The following FBXW7 variants were observed in gnomAD, a reference collection of about 807,000 sequenced individuals.
FBXW7 encodes the protein F-box and WD repeat domain containing 7.
In FBXW7, 11 loss-of-function variants were observed where a neutral mutation model predicts 86.3. That is an observed-to-expected ratio of 0.13 (90% CI 0.08 to 0.21). FBXW7 has a LOEUF of 0.21. Ranked by LOEUF, FBXW7 falls within the 10% of genes least tolerant of loss-of-function variation. The probability of loss-of-function intolerance (pLI) is 1.00; values close to 1 mark genes in which losing one functional copy is unlikely to be tolerated. For missense variants in FBXW7, 488 were observed against 847.4 expected, an observed-to-expected ratio of 0.58 and a Z score of 5.27; for synonymous variants, 313 against 297.9, an observed-to-expected ratio of 1.05 and a Z score of -0.52.
chr4:152,358,625 C>T (rs1732626498), intron 4 of FBXW7, among the ~76,000 whole-genome samples: 1 of 151,994 alleles, frequency 6.6e-6, no homozygotes, highest in South Asian at 2.1e-4. Flanking sequence ...TGAACACAAG[C>T]AATGGAACCA....
Position 152,321,005 on chromosome 4 carries a change from T to C in FBXW7, c.*1876A>G, listed in dbSNP as rs1184860601. On this transcript the variant is annotated 3_prime_UTR_variant, in exon 14 of 14. Transcript: ENST00000281708. ...TTCTTTGAGGGAACCAGATTTCATA[T>C]TTATACACCCCAATGCAATCTACAG... 2 of 165,516 alleles carry C rather than the reference T, an allele frequency of 1.2e-5. No individual in the cohort carries two copies. Among genetic ancestry groups the C allele is most frequent in the Non-Finnish European group, 2.6e-5 (2 of 75,808 alleles). 10.3% of individuals were successfully genotyped at this position (165,516 alleles called of 1,614,324 possible). A position where few individuals can be genotyped will look rare whatever the true frequency, so the allele number is the denominator to read the frequency against.
At chr4:152,352,452 A>G (rs781322057) in intron 4 of FBXW7, 2 of 1,613,734 alleles carry the variant, frequency 1.2e-6, no homozygotes, top group Non-Finnish European at 1.7e-6. Flanking sequence ...TAGCATAGGA[A>G]GAAAACAGCT....
chr4:152,442,837 G>A (rs1440935080), intron 2 of FBXW7, among the ~76,000 whole-genome samples: 1 of 152,118 alleles, frequency 6.6e-6, no homozygotes, highest in African/African-American at 2.4e-5. Flanking sequence ...ACATTACTGA[G>A]GTAAAAACCT....
chr4:152,413,703 C>T (rs1240694810), intron 2 of FBXW7, among the ~76,000 whole-genome samples: 4 of 152,100 alleles, frequency 2.6e-5, no homozygotes, highest in Admixed American at 1.3e-4. Flanking sequence ...ATTTGCTGAG[C>T]ATTCAATATG....
In FBXW7 at chr4:152,347,076, A is replaced by C; in HGVS notation, c.585-5T>G. ...CATGGTACAAGCCCAGTGGTACTAC[A>C]AAAAAAAAAAAAAGAGAGAGAGAAA... On this transcript the variant is annotated splice_polypyrimidine_tract_variant and splice_region_variant and intron_variant, in intron 5 of 13. Transcript: ENST00000281708. The C allele has an allele frequency of 4.0e-6, 1 of 248,248 alleles. No homozygotes were observed. The highest frequency in any genetic ancestry group is 7.2e-6 in the Non-Finnish European group (1 of 138,422). 15.4% of individuals were successfully genotyped at this position (248,248 alleles called of 1,614,324 possible).
intron 2 of FBXW7, among the ~76,000 whole-genome samples, chr4:152,467,342 C>T (rs1743547866): frequency 1.3e-5 from 2 of 152,134 alleles, no homozygotes; most frequent in South Asian, 4.1e-4. Flanking sequence ...TCCTCTTCTG[C>T]CACAACTGTA....
intron 2 of FBXW7, among the ~76,000 whole-genome samples, chr4:152,418,162 C>CACACACACACACAA (rs1185715774): frequency 1.3e-5 from 2 of 150,784 alleles, no homozygotes; most frequent in African/African-American, 4.9e-5. Context: ...CACACACACA[C>CACACACACACACAA]AAAATCCACT....
chr4:152,415,668 A>AT (rs1379641632), intron 2 of FBXW7, among the ~76,000 whole-genome samples: 1 of 152,084 alleles, frequency 6.6e-6, no homozygotes, highest in Non-Finnish European at 1.5e-5. Context: ...GTAAAAGCCA[A>AT]TGTCTTTTAT....
At chr4:152,411,216 T>A in intron 4 of FBXW7, 87 bp downstream of exon 4, 1 of 1,410,202 alleles carries the variant, frequency 7.1e-7, no homozygotes, top group Non-Finnish European at 9.4e-7. Flanking sequence ...TAATTTTTAG[T>A]AATACAAAGA....
At chr4:152,426,539 A>C (rs1010357135) in intron 2 of FBXW7, among the ~76,000 whole-genome samples, 1 of 152,032 alleles carries the variant, frequency 6.6e-6, no homozygotes, top group South Asian at 2.1e-4. Flanking sequence ...TAGTAGAGAC[A>C]GGAGTGTCAC....
intron 2 of FBXW7, among the ~76,000 whole-genome samples, chr4:152,441,676 T>C (rs1740905448): frequency 6.6e-6 from 1 of 152,222 alleles, no homozygotes; most frequent in Non-Finnish European, 1.5e-5. Context: ...ATCTTTATTT[T>C]TGAATAACCA....
At chr4:152,401,607 A>T (rs1402864982) in intron 4 of FBXW7, among the ~76,000 whole-genome samples, 3 of 152,212 alleles carry the variant, frequency 2.0e-5, no homozygotes, top group African/African-American at 7.2e-5. Flanking sequence ...CTACATTGGT[A>T]GATGCGTGTC....
At chr4:152,470,187 A>G (rs1037499079) in intron 2 of FBXW7, among the ~76,000 whole-genome samples, 1 of 152,032 alleles carries the variant, frequency 6.6e-6, no homozygotes, top group Non-Finnish European at 1.5e-5. Context: ...TATAATTTAA[A>G]TTTTATAGGT....
chr4:152,352,426 TAC>T lies in FBXW7; in HGVS notation c.502-2304_502-2303del, dbSNP rs764520759. 5 of 1,611,222 alleles carry T rather than the reference TAC, an allele frequency of 3.1e-6. No homozygotes were observed. The East Asian group carries it at 1.1e-4, about 36-fold the overall frequency. ...ACAGATTTTCCTTCTCAGGCAGGCA[TAC>T]ACACACAATCACATAGCATAGGAAG... On this transcript the variant is annotated intron_variant, in intron 4 of 13. Transcript: ENST00000281708.
chr4:152,407,939 C>T (rs1035597863), intron 4 of FBXW7, among the ~76,000 whole-genome samples: 1 of 152,164 alleles, frequency 6.6e-6, no homozygotes, highest in Admixed American at 6.5e-5. Flanking sequence ...AATCTGCCCA[C>T]CTCAGCCTCT....
At chr4:152,389,140 T>C (rs1735785039) in intron 4 of FBXW7, among the ~76,000 whole-genome samples, 1 of 151,970 alleles carries the variant, frequency 6.6e-6, no homozygotes, top group African/African-American at 2.4e-5. Context: ...ATAATAGATG[T>C]TGGCGAGGAT....
intron 2 of FBXW7, among the ~76,000 whole-genome samples, chr4:152,527,251 A>T (rs1236236723): frequency 6.6e-6 from 1 of 151,992 alleles, no homozygotes; most frequent in Non-Finnish European, 1.5e-5. Flanking sequence ...TTGAATTATG[A>T]ATTACTGAAT....
chr4:152,474,295 T>TGC (rs1276437945), intron 2 of FBXW7, among the ~76,000 whole-genome samples: 1 of 152,256 alleles, frequency 6.6e-6, no homozygotes, highest in Non-Finnish European at 1.5e-5. Flanking sequence ...TGCTCATGAA[T>TGC]TCTAACCATG....
At chr4:152,484,058 A>G (rs970970980) in intron 2 of FBXW7, among the ~76,000 whole-genome samples, 2 of 152,156 alleles carry the variant, frequency 1.3e-5, no homozygotes, top group Non-Finnish European at 2.9e-5. Flanking sequence ...TAGAGTCTAC[A>G]TGCAACACTA....
Sources: gnomAD v4.1 joint callset for allele counts (sites outside exome capture counted in the v4.1 genomes callset) on GRCh38, gnomAD v4.1.1 for gene constraint, MANE v1.5 for transcripts, NCBI Gene and HGNC (gene_info 2026-07-23, HGNC 2026-07-21) for gene names.